FGD4: variants seen among roughly 807,000 people sequenced by gnomAD.
FGD4 encodes the protein FYVE, RhoGEF and PH domain containing 4.
FGD4 carries 42 observed loss-of-function variants against 102.0 expected under a neutral mutation model. The ratio of observed to expected loss-of-function variants is 0.41; its 90% CI spans 0.32 to 0.53. FGD4 has a LOEUF of 0.53. FGD4 is among the 20% of genes least tolerant of loss of function. FGD4 has a pLI of 0.21. For missense variants in FGD4, 902 were observed against 1,078.2 expected, an observed-to-expected ratio of 0.84 and a Z score of 2.29; for synonymous variants, 380 against 375.7, an observed-to-expected ratio of 1.01 and a Z score of -0.13.
intron 1 of FGD4, among the ~76,000 whole-genome samples, chr12:32,479,043 T>C (rs1591980155): frequency 6.6e-6 from 1 of 152,246 alleles, no homozygotes; most frequent in African/African-American, 2.4e-5. Flanking sequence ...TAGATACTTA[T>C]TAATCTGTCA....
At chr12:32,526,841 A>G (rs1253824929) in intron 1 of FGD4, among the ~76,000 whole-genome samples, 4 of 152,150 alleles carry the variant, frequency 2.6e-5, no homozygotes, top group Non-Finnish European at 4.4e-5. Flanking sequence ...TGTAACACTC[A>G]CCGCAAGGGT....
chr12:32,407,314 C>T (rs1363713449), intron 1 of FGD4, among the ~76,000 whole-genome samples: 6 of 149,254 alleles, frequency 4.0e-5, no homozygotes, highest in East Asian at 4.0e-4. Flanking sequence ...TTAGTAGAGA[C>T]GGGGTTTCAC....
chr12:32,524,345 G>A (rs1476912172), intron 1 of FGD4, among the ~76,000 whole-genome samples: 1 of 141,932 alleles, frequency 7.0e-6, no homozygotes, highest in African/African-American at 2.6e-5. Flanking sequence ...GCAGTGAGCC[G>A]AGATCGCGCC....
intron 7 of FGD4, 49 bp from the exon 8 acceptor site, chr12:32,607,908 T>C: frequency 6.2e-7 from 1 of 1,611,240 alleles, no homozygotes; most frequent in South Asian, 1.1e-5. Flanking sequence ...GTTTTTAGAC[T>C]TGCTAACCTA....
intron 1 of FGD4, among the ~76,000 whole-genome samples, chr12:32,515,234 C>A (rs546431969): frequency 1.3e-5 from 2 of 152,328 alleles, no homozygotes; most frequent in East Asian, 3.9e-4. Flanking sequence ...ACTGTCCCTG[C>A]TTCTGGAAAG....
chr12:32,574,331 GTTT>G (rs59873254), intron 2 of FGD4, among the ~76,000 whole-genome samples: 25 of 127,528 alleles, frequency 2.0e-4, no homozygotes, highest in Middle Eastern at 3.8e-3. Context: ...AACCTTAAGT[GTTT>G]TTTTTTTTTT....
intron 1 of FGD4, among the ~76,000 whole-genome samples, chr12:32,483,928 A>G (rs1468072648): frequency 2.0e-5 from 3 of 152,186 alleles, no homozygotes; most frequent in Non-Finnish European, 4.4e-5. Flanking sequence ...TCAGCTTTTA[A>G]AGTTTATGAA....
At chr12:32,569,930 C>G (rs1038317353) in intron 2 of FGD4, among the ~76,000 whole-genome samples, 1 of 152,146 alleles carries the variant, frequency 6.6e-6, no homozygotes, top group African/African-American at 2.4e-5. Context: ...TTCACTGACA[C>G]TTGGTATTGT....
At chr12:32,552,504 A>G (rs1264841470) in intron 1 of FGD4, among the ~76,000 whole-genome samples, 1 of 140,512 alleles carries the variant, frequency 7.1e-6, no homozygotes, top group Non-Finnish European at 1.5e-5. Flanking sequence ...CTTCTCTCGA[A>G]CTCCTGACCT....
chr12:32,401,937 C>T (rs1406368117), intron 1 of FGD4, among the ~76,000 whole-genome samples: 5 of 140,008 alleles, frequency 3.6e-5, no homozygotes, highest in Admixed American at 2.9e-4. Context: ...GAGTCTGGCT[C>T]TGTCGCCCAG....
intron 1 of FGD4, among the ~76,000 whole-genome samples, chr12:32,482,541 C>T (rs118189277): frequency 6.6e-6 from 1 of 152,234 alleles, no homozygotes; most frequent in Non-Finnish European, 1.5e-5. Context: ...TATTGCTGAG[C>T]GGACTGTAGG....
intron 6 of FGD4, 112 bp from the exon 7 acceptor site, chr12:32,602,049 A>G (rs776744763): frequency 3.9e-5 from 36 of 921,438 alleles, no homozygotes; most frequent in Non-Finnish European, 6.2e-5. Flanking sequence ...TGGGAGGTCG[A>G]GGTTGCAGTG....
chr12:32,623,255 T>C (rs1038008840), intron 11 of FGD4, among the ~76,000 whole-genome samples: 6 of 152,208 alleles, frequency 3.9e-5, no homozygotes, highest in African/African-American at 1.4e-4. Context: ...TGGGTTTCTC[T>C]GCATTTGAAA....
At chr12:32,406,834 GAC>G (rs1409709256) in intron 1 of FGD4, among the ~76,000 whole-genome samples, 1 of 151,714 alleles carries the variant, frequency 6.6e-6, no homozygotes, top group Non-Finnish European at 1.5e-5. Flanking sequence ...GTTTTTTTGA[GAC>G]AGAGTCTTGC....
At chr12:32,480,645 C>T (rs1016039907) in intron 1 of FGD4, among the ~76,000 whole-genome samples, 23 of 151,438 alleles carry the variant, frequency 1.5e-4, no homozygotes, top group Non-Finnish European at 3.2e-4. Flanking sequence ...GGATTACAGG[C>T]ACGCACCACC....
intron 15 of FGD4, among the ~76,000 whole-genome samples, chr12:32,635,677 AT>A (rs150228689): frequency 0.01 from 1,534 of 151,634 alleles, 31 homozygotes; most frequent in African/African-American, 0.035. Context: ...AATTTCCACA[AT>A]TTTTTTTTAC....
chr12:32,623,531 A>T (rs1185799583), intron 11 of FGD4, among the ~76,000 whole-genome samples: 1 of 152,126 alleles, frequency 6.6e-6, no homozygotes, highest in Non-Finnish European at 1.5e-5. Flanking sequence ...AGCCAGTCTC[A>T]TGCATGTTTC....
intron 1 of FGD4, among the ~76,000 whole-genome samples, chr12:32,408,248 A>G (rs1249640566): frequency 6.7e-6 from 1 of 149,488 alleles, no homozygotes; most frequent in African/African-American, 2.5e-5. Flanking sequence ...GGCTCACTGC[A>G]ATCTCTGCCT....
Position 32,640,514 on chromosome 12 carries a change from A to G in FGD4, c.2693A>G (p.Lys898Arg), listed in dbSNP as rs754822232. The G allele has an allele frequency of 6.2e-7, 1 of 1,614,014 alleles. No homozygotes were observed. Among genetic ancestry groups the G allele is most frequent in the Non-Finnish European group, 8.5e-7 (1 of 1,180,022 alleles). Residue 898 changes from lysine (K) to arginine (R), a missense_variant, in exon 17 of 17, where the codon AAG becomes AGG. Lys to Arg is a conservative substitution (Grantham distance 26). Transcript: ENST00000534526. ...ACCTTGGATGATCATCCTGAACCTA[A>G]GAAAAAATCAGAATGCTGAACTCCT... is the stretch of plus-strand genomic sequence containing the variant. ...PATLDDHPEP[K>R]KKSEC
Sources: gnomAD v4.1 joint callset for allele counts (sites outside exome capture counted in the v4.1 genomes callset) on GRCh38, gnomAD v4.1.1 for gene constraint, MANE v1.5 for transcripts, NCBI Gene and HGNC (gene_info 2026-07-23, HGNC 2026-07-21) for gene names.